VAX2: variants seen among roughly 807,000 people sequenced by gnomAD.
VAX2 encodes ventral anterior homeobox 2.
VAX2 carries 8 observed loss-of-function variants against 12.5 expected under a neutral mutation model. That is an observed-to-expected ratio of 0.64 (90% CI 0.37 to 1.15). The LOEUF (loss-of-function observed/expected upper bound fraction) is 1.15, where lower values mean the gene tolerates loss of function less well. Among genes scored for constraint, VAX2 ranks in the 50% most tolerant of loss-of-function variants. VAX2 has a pLI of 0.01. For synonymous variants in VAX2, 183 were observed against 187.6 expected (o/e 0.98, Z 0.20); for missense variants, 476 against 412.9 (o/e 1.15, Z -1.32).
chr2:70,904,181 AC>A lies in VAX2; in HGVS notation c.247+3315del, dbSNP rs1678998728. 6.6e-6 allele frequency among the ~76,000 whole-genome samples: 1 copy of A among 152,160 alleles called. No individual in the cohort carries two copies. The highest frequency in any genetic ancestry group is 6.5e-5 in the Admixed American group (1 of 15,282). On this transcript the variant is annotated intron_variant, in intron 1 of 2. Coordinates refer to ENST00000234392, the MANE Select transcript of VAX2 (RefSeq NM_012476.3). This position sits in a 1 kb window ranked among gnomAD's most constrained non-coding sequence, Gnocchi z 4.2. ...ACACCTCCGCGTGCACAGTCCCTAG[AC>A]CAGTGAGGGCGGGGACGGGGAAATC... is the stretch of plus-strand genomic sequence containing the variant.
intron 2 of VAX2, among the ~76,000 whole-genome samples, chr2:70,922,937 C>G (rs1042333963): frequency 1.3e-5 from 2 of 152,184 alleles, no homozygotes; most frequent in Admixed American, 6.5e-5. Flanking sequence ...CCCAAGCCCC[C>G]CTCTTCCAGG....
rs572607753 is a variant in VAX2 at position 70,933,033 on chromosome 2, G to A, written c.702G>A (p.Ser234=). The A allele has an allele frequency of 8.8e-6, 14 of 1,598,008 alleles. No individual in the cohort carries two copies. The highest frequency in any genetic ancestry group is 1.7e-4 in the Middle Eastern group (1 of 6,012). ...CCCCACGCCTCAACCCGCTGTCCTC[G>A]GCCTCAGCGTCCCCCCCACTGCCGC... is the stretch of plus-strand genomic sequence containing the variant. ...NSSPRLNPLS[S]ASASPPLPPP... The change falls in exon 3 of 3, where the codon TCG becomes TCA. Residue 234 remains serine, a synonymous_variant. Coordinates refer to ENST00000234392, the MANE Select transcript of VAX2 (RefSeq NM_012476.3).
chr2:70,930,567 T>A (rs1388223361), intron 2 of VAX2, among the ~76,000 whole-genome samples: 1 of 152,194 alleles, frequency 6.6e-6, no homozygotes, highest in Admixed American at 6.5e-5. Flanking sequence ...TTTAAAAGAC[T>A]GGACATCTTC....
At chr2:70,923,902 G>A (rs1413944844) in intron 2 of VAX2, among the ~76,000 whole-genome samples, 1 of 152,202 alleles carries the variant, frequency 6.6e-6, no homozygotes, top group African/African-American at 2.4e-5. Flanking sequence ...GGAGGCCAAG[G>A]AGGGAGGATT....
chr2:70,928,412 G>T (rs1284916076), intron 2 of VAX2, among the ~76,000 whole-genome samples: 1 of 152,172 alleles, frequency 6.6e-6, no homozygotes, highest in Non-Finnish European at 1.5e-5. Flanking sequence ...TCCAGTGTGC[G>T]GCCAAGGTTG....
At chr2:70,900,919 A>T in intron 1 of VAX2, 51 bp downstream of exon 1, 1 of 1,283,672 alleles carries the variant, frequency 7.8e-7, no homozygotes, top group Non-Finnish European at 9.9e-7. Context: ...CCCTACCCAT[A>T]CTGGGGCCCC....
At position 70,933,086 on chromosome 2, in the gene VAX2, CG is replaced by C. The variant is rs781988866; in HGVS notation, c.757del (p.Ala253ProfsTer23). ...CCTCTGCCAGCTGTCTGCTTTTCCT[CG>C]GCCCCGCTCCTGGATCTGCCTGCCG... Reference protein sequence around the residue: ...PPPLPAVCFSSAPLLDLPAGY... With the variant: ...PPPLPAVCFSXAPLLDLPAGY... On this transcript the variant is annotated frameshift_variant, in exon 3 of 3. Transcript: ENST00000234392. LOFTEE classifies it high-confidence loss of function. 1.9e-6 allele frequency: 3 copies of C among 1,609,804 alleles called. No individual in the cohort carries two copies. Among genetic ancestry groups the C allele is most frequent in the Non-Finnish European group, 8.5e-7 (1 of 1,178,282 alleles).
chr2:70,907,480 G>T (rs782474013), intron 1 of VAX2, among the ~76,000 whole-genome samples: 12 of 152,256 alleles, frequency 7.9e-5, no homozygotes, highest in African/African-American at 1.4e-4. Flanking sequence ...GCAGCCCACG[G>T]CTGGAGCCAA....
intron 1 of VAX2, among the ~76,000 whole-genome samples, chr2:70,915,998 T>C (rs888932896): frequency 7.9e-5 from 12 of 152,204 alleles, no homozygotes; most frequent in African/African-American, 2.9e-4. Flanking sequence ...AAATTATAGG[T>C]TTAAATTTTT....
At position 70,932,936 on chromosome 2, in the gene VAX2, C is replaced by T. The variant is rs369829011; in HGVS notation, c.605C>T (p.Ala202Val). 4.8e-5 allele frequency: 77 copies of T among 1,612,960 alleles called. No homozygotes were observed. The African/African-American group carries it at 6.9e-4, about 15-fold the overall frequency. Residue 202 changes from alanine to valine, a missense_variant, in exon 3 of 3, where the codon GCG becomes GTG. Coordinates refer to ENST00000234392, the MANE Select transcript of VAX2 (RefSeq NM_012476.3). The stretch of plus-strand genomic sequence containing the variant: ...GTGCCCAGGGCCCCTAGCCTCCTGG[C>T]GCTGACCCCTAGCCTGCCAGGCCTA... ...LSVPRAPSLL[A>V]LTPSLPGLPA...
Position 70,900,645 on chromosome 2 carries a change from C to T in VAX2, c.24C>T (p.Arg8=), listed in dbSNP as rs1297764744. 6.3e-6 allele frequency: 8 copies of T among 1,272,140 alleles called. No individual in the cohort carries two copies. Among genetic ancestry groups the T allele is most frequent in the African/African-American group, 4.7e-5 (3 of 64,492 alleles). 78.8% of individuals were successfully genotyped at this position (1,272,140 alleles called of 1,614,324 possible). A position where few individuals can be genotyped will look rare whatever the true frequency, so the allele number is the denominator to read the frequency against. MGDGGAE[R]DRGPARRAES... is the part of the protein sequence containing the mutation. ...GCATGGGCGATGGGGGCGCCGAGCG[C>T]GACCGGGGCCCCGCGCGCCGGGCGG... is the stretch of plus-strand genomic sequence containing the variant. The change falls in exon 1 of 3, where the codon CGC becomes CGT. Residue 8 remains arginine (R), a synonymous_variant. Transcript: ENST00000234392.
At chr2:70,929,421 G>T (rs1679642145) in intron 2 of VAX2, among the ~76,000 whole-genome samples, 1 of 152,238 alleles carries the variant, frequency 6.6e-6, no homozygotes, top group South Asian at 2.1e-4. Context: ...TGGAGCGGTG[G>T]CTCATGCCTG....
chr2:70,918,952 C>T (rs532692980), intron 1 of VAX2, among the ~76,000 whole-genome samples: 56 of 151,740 alleles, frequency 3.7e-4, no homozygotes, highest in Non-Finnish European at 7.4e-4. Context: ...GCCTGTAATC[C>T]CAGCACTTTG....
At chr2:70,931,443 G>A (rs1030650040) in intron 2 of VAX2, among the ~76,000 whole-genome samples, 7 of 152,138 alleles carry the variant, frequency 4.6e-5, no homozygotes, top group African/African-American at 7.2e-5. Flanking sequence ...ACTTCAAACC[G>A]GGCAATGGCC....
intron 1 of VAX2, among the ~76,000 whole-genome samples, chr2:70,903,929 C>T (rs1678989974): frequency 6.6e-6 from 1 of 152,166 alleles, no homozygotes; most frequent in Admixed American, 6.5e-5. Flanking sequence ...CTTGGTGGGA[C>T]CCTTTTTGGG....
chr2:70,911,587 A>G (rs1453682494), intron 1 of VAX2, among the ~76,000 whole-genome samples: 1 of 152,244 alleles, frequency 6.6e-6, no homozygotes, highest in African/African-American at 2.4e-5. Context: ...AATTCTACTC[A>G]GCCTTGCCAG....
intron 1 of VAX2, among the ~76,000 whole-genome samples, chr2:70,912,366 G>C (rs1679204801): frequency 6.6e-6 from 1 of 152,084 alleles, no homozygotes; most frequent in Admixed American, 6.6e-5. Flanking sequence ...ACACTTAAAA[G>C]TCAGCATATT....
chr2:70,924,338 A>C (rs1366866272), intron 2 of VAX2: 1 of 134,962 alleles, frequency 7.4e-6, no homozygotes, highest in South Asian at 2.3e-4. Flanking sequence ...AGCATACAAC[A>C]GTAAGTCTTA....
intron 1 of VAX2, 127 bp from the exon 2 acceptor site, chr2:70,920,971 G>C: frequency 1.7e-6 from 2 of 1,159,934 alleles, no homozygotes; most frequent in Non-Finnish European, 2.3e-6. Context: ...ACTTGTCACA[G>C]GTCATGCAAC....
Sources: gnomAD v4.1 joint callset for allele counts (sites outside exome capture counted in the v4.1 genomes callset) on GRCh38, gnomAD v4.1.1 for gene constraint, Gnocchi (gnomAD v3.1) non-coding constraint, MANE v1.5 for transcripts, NCBI Gene and HGNC (gene_info 2026-07-23, HGNC 2026-07-21) for gene names.